The following DNAH8 variants were observed in gnomAD, a reference collection of about 807,000 sequenced individuals.
DNAH8 encodes axonemal beta dynein heavy chain 8.
DNAH8 carries 382 observed loss-of-function variants against 562.1 expected under a neutral mutation model. The ratio of observed to expected loss-of-function variants is 0.68; its 90% CI spans 0.63 to 0.74. The LOEUF (loss-of-function observed/expected upper bound fraction) is 0.74. Ranked by LOEUF, DNAH8 falls within the 30% of genes least tolerant of loss-of-function variation. The probability of loss-of-function intolerance (pLI) is 0.00; values close to 1 mark genes in which losing one functional copy is unlikely to be tolerated. For missense variants in DNAH8, 5,203 were observed against 5,620.4 expected (o/e 0.93, Z 2.37); for synonymous variants, 1,881 against 1,919.4 (o/e 0.98, Z 0.52).
intron 74 of DNAH8, among the ~76,000 whole-genome samples, 200 bp downstream of exon 74, chr6:38,926,410 C>T (rs181543591): frequency 5.7e-4 from 86 of 151,848 alleles, no homozygotes; most frequent in African/African-American, 2.0e-3. Context: ...TCCTCCCTCC[C>T]CCTCTCTTTG....
At chr6:39,006,753 A>T (rs575645224) in intron 88 of DNAH8, among the ~76,000 whole-genome samples, 1 of 152,246 alleles carries the variant, frequency 6.6e-6, no homozygotes, top group African/African-American at 2.4e-5. Context: ...AACATGGTGA[A>T]TTCAGAATTT....
intron 42 of DNAH8, among the ~76,000 whole-genome samples, chr6:38,859,936 C>G (rs1367751054): frequency 6.6e-6 from 1 of 152,192 alleles, no homozygotes; most frequent in Non-Finnish European, 1.5e-5. Context: ...CATGCTTTCT[C>G]TAGATCCCGG....
intron 21 of DNAH8, 89 bp downstream of exon 21, chr6:38,791,763 G>T (rs1211006587): frequency 1.4e-6 from 2 of 1,392,518 alleles, no homozygotes; most frequent in Non-Finnish European, 2.0e-6. Flanking sequence ...AGAAACCTGG[G>T]TCAGTAGCAT....
At position 38,909,605 on chromosome 6, in the gene DNAH8, G is replaced by A. The variant is rs202143508; in HGVS notation, c.9601G>A (p.Glu3201Lys). ...TMDWFSRWPR[E>K]ALIAVASYFL... ...GGACTGGTTCAGCCGCTGGCCAAGG[G>A]AGGCTCTGATTGCTGTGGCCTCCTA... Residue 3201 changes from glutamate (E) to lysine (K), a missense_variant, in exon 65 of 93, where the codon GAG (glutamate) becomes AAG (lysine). Coordinates refer to ENST00000327475, the MANE Select transcript of DNAH8 (RefSeq NM_001206927.2). 52 of 1,614,074 alleles carry A rather than the reference G, an allele frequency of 3.2e-5. No individual in the cohort carries two copies. Among genetic ancestry groups the A allele is most frequent in the Non-Finnish European group, 4.0e-5 (47 of 1,180,014 alleles).
intron 56 of DNAH8, among the ~76,000 whole-genome samples, chr6:38,886,222 G>A (rs1195854814): frequency 2.0e-5 from 3 of 152,090 alleles, no homozygotes; most frequent in Admixed American, 1.3e-4. Context: ...GACAATGAGT[G>A]GCTTAGGAAG....
intron 62 of DNAH8, among the ~76,000 whole-genome samples, chr6:38,901,801 T>C (rs1038351988): frequency 6.6e-6 from 1 of 152,184 alleles, no homozygotes; most frequent in Non-Finnish European, 1.5e-5. Context: ...AAACATAAAA[T>C]ATCAAATAAG....
At chr6:38,874,582 C>G (rs1777845592) in intron 52 of DNAH8, among the ~76,000 whole-genome samples, 1 of 151,710 alleles carries the variant, frequency 6.6e-6, no homozygotes, top group Non-Finnish European at 1.5e-5. Flanking sequence ...GTTGCCCAGG[C>G]TGGTCTAGGC....
intron 48 of DNAH8, among the ~76,000 whole-genome samples, chr6:38,870,113 A>G (rs1583228927): frequency 6.6e-6 from 1 of 152,152 alleles, no homozygotes; most frequent in African/African-American, 2.4e-5. Flanking sequence ...TCACTATCAT[A>G]AGAACAGCAG....
chr6:38,843,527 A>T (rs1341210020), intron 35 of DNAH8, among the ~76,000 whole-genome samples: 1 of 152,128 alleles, frequency 6.6e-6, no homozygotes, highest in East Asian at 1.9e-4. Context: ...ATTAGGGAAA[A>T]TTTTAAACAC....
At chr6:38,814,210 C>A in intron 25 of DNAH8, 81 bp downstream of exon 25, 1 of 801,878 alleles carries the variant, frequency 1.2e-6, no homozygotes, top group Non-Finnish European at 2.0e-6. Flanking sequence ...ATTTAGGTAA[C>A]ATTTTGGTCC....
chr6:38,974,466 C>T lies in DNAH8; in HGVS notation c.12771C>T (p.Ile4257=). The T allele has an allele frequency of 1.2e-6, 2 of 1,613,294 alleles. No homozygotes were observed. The highest frequency in any genetic ancestry group is 1.7e-6 in the Non-Finnish European group (2 of 1,179,198). ...GAATTAATCAAGACCTTCTGGACAT[C>T]AGTAATTTACCCATGTGGAAGCCGA... is the stretch of plus-strand genomic sequence containing the variant. ...FAGINQDLLD[I]SNLPMWKPML... is the part of the protein sequence containing the mutation. The change falls in exon 85 of 93, where the codon ATC becomes ATT. Residue 4257 remains isoleucine, a synonymous_variant. Transcript: ENST00000327475.
At chr6:38,777,961 C>T (rs920246373) in intron 13 of DNAH8, among the ~76,000 whole-genome samples, 45 of 152,140 alleles carry the variant, frequency 3.0e-4, no homozygotes, top group African/African-American at 1.0e-3. Flanking sequence ...TTGGTAATGA[C>T]CTGCAAAGGC....
At chr6:38,909,283 A>G (rs1452591271) in intron 64 of DNAH8, among the ~76,000 whole-genome samples, 1 of 152,192 alleles carries the variant, frequency 6.6e-6, no homozygotes, top group Non-Finnish European at 1.5e-5. Context: ...TTTCCTCTTA[A>G]AAGAAAGTTC....
chr6:38,937,670 G>A (rs1233334339), intron 77 of DNAH8, among the ~76,000 whole-genome samples: 1 of 152,172 alleles, frequency 6.6e-6, no homozygotes, highest in Non-Finnish European at 1.5e-5. Context: ...AAAGAGCACT[G>A]GAGACATGAT....
intron 66 of DNAH8, among the ~76,000 whole-genome samples, chr6:38,911,817 C>G (rs944358854): frequency 6.6e-6 from 1 of 152,208 alleles, no homozygotes; most frequent in Non-Finnish European, 1.5e-5. Context: ...TCTCCTGGCT[C>G]TTTCAACTCT....
intron 68 of DNAH8, among the ~76,000 whole-genome samples, chr6:38,915,835 T>TAC (rs766390138): frequency 8.1e-5 from 10 of 123,266 alleles, no homozygotes; most frequent in Non-Finnish European, 1.6e-4. Context: ...CTATATATAA[T>TAC]ACACACACAC....
At chr6:38,737,740 AT>A (rs1764208368) in intron 6 of DNAH8, 68 bp from the exon 7 acceptor site, 3 of 678,466 alleles carry the variant, frequency 4.4e-6, no homozygotes, top group Non-Finnish European at 6.0e-6. Context: ...ATTATTTAAT[AT>A]TTTTATTAAT....
chr6:38,867,568 C>A (rs1444463184), intron 47 of DNAH8, among the ~76,000 whole-genome samples: 1 of 149,448 alleles, frequency 6.7e-6, no homozygotes, highest in Non-Finnish European at 1.5e-5. Context: ...CATGGTGAAA[C>A]CCTGTCTCTA....
chr6:39,016,755 TG>T (rs1292319199), intron 91 of DNAH8, among the ~76,000 whole-genome samples: 1 of 152,162 alleles, frequency 6.6e-6, no homozygotes, highest in African/African-American at 2.4e-5. Flanking sequence ...CATCTGATGC[TG>T]TTTAGTGTGT....
Sources: gnomAD v4.1 joint callset for allele counts (sites outside exome capture counted in the v4.1 genomes callset) on GRCh38, gnomAD v4.1.1 for gene constraint, MANE v1.5 for transcripts, NCBI Gene and HGNC (gene_info 2026-07-23, HGNC 2026-07-21) for gene names.